Variants in MDGA2 observed in about 807,000 individuals in gnomAD.
The protein encoded by MDGA2 is MAM domain containing glycosylphosphatidylinositol anchor 2.
In MDGA2, 40 loss-of-function variants were observed where a neutral mutation model predicts 117.8. The ratio of observed to expected loss-of-function variants is 0.34; its 90% CI spans 0.26 to 0.44. The LOEUF is 0.44. Ranked by LOEUF, MDGA2 falls within the 20% of genes least tolerant of loss-of-function variation. The pLI, the probability that MDGA2 is intolerant of heterozygous loss-of-function variation, is 1.00. For missense variants in MDGA2, 1,123 were observed against 1,250.6 expected (o/e 0.90, Z 1.54); for synonymous variants, 452 against 439.0 (o/e 1.03, Z -0.37).
chr14:47,658,449 T>C (rs948868629), intron 1 of MDGA2, among the ~76,000 whole-genome samples: 7 of 151,970 alleles, frequency 4.6e-5, no homozygotes, highest in Admixed American at 3.9e-4. Flanking sequence ...CTAGAAGAAG[T>C]AGTAGAAAAG....
At chr14:47,123,674 G>A (rs989327680) in intron 5 of MDGA2, among the ~76,000 whole-genome samples, 1 of 151,948 alleles carries the variant, frequency 6.6e-6, no homozygotes, top group Non-Finnish European at 1.5e-5. Flanking sequence ...TAGAATATGA[G>A]TCATTTCTAT....
intron 1 of MDGA2, among the ~76,000 whole-genome samples, chr14:47,532,840 C>T (rs1378058810): frequency 6.6e-6 from 1 of 152,142 alleles, no homozygotes; most frequent in Non-Finnish European, 1.5e-5. Flanking sequence ...AGGTTTTATC[C>T]AGTGCCTCAA....
At chr14:46,981,504 A>T (rs1199798750) in intron 8 of MDGA2, among the ~76,000 whole-genome samples, 2 of 152,210 alleles carry the variant, frequency 1.3e-5, no homozygotes, top group Non-Finnish European at 2.9e-5. Context: ...GAAATAATAC[A>T]AAGTCCCTCT....
chr14:47,003,534 TG>T (rs1887606583), intron 8 of MDGA2, among the ~76,000 whole-genome samples: 1 of 152,088 alleles, frequency 6.6e-6, no homozygotes, highest in Non-Finnish European at 1.5e-5. Flanking sequence ...TATCTCACTG[TG>T]GTTTGAATTG....
chr14:47,305,401 C>T (rs1441292145), intron 1 of MDGA2: 2 of 152,078 alleles, frequency 1.3e-5, no homozygotes, highest in Non-Finnish European at 2.9e-5. Context: ...TGAAGTAAAC[C>T]AAATTTCATT....
At chr14:47,353,183 T>C (rs1566751272) in intron 1 of MDGA2, among the ~76,000 whole-genome samples, 1 of 152,336 alleles carries the variant, frequency 6.6e-6, no homozygotes, top group East Asian at 1.9e-4. Context: ...TGCTTGCTCA[T>C]ACATGGCATA....
At chr14:47,265,611 G>C (rs1336971751) in intron 2 of MDGA2, among the ~76,000 whole-genome samples, 1 of 150,604 alleles carries the variant, frequency 6.6e-6, no homozygotes, top group African/African-American at 2.4e-5. Flanking sequence ...GTGGAAGCCA[G>C]TGTTTAACTT....
chr14:47,549,267 A>T (rs1445259402), intron 1 of MDGA2, among the ~76,000 whole-genome samples: 1 of 151,894 alleles, frequency 6.6e-6, no homozygotes, highest in Non-Finnish European at 1.5e-5. Context: ...TCAAATAAAT[A>T]CTCTGGATTG....
intron 1 of MDGA2, among the ~76,000 whole-genome samples, chr14:47,606,953 AAC>A (rs1896754109): frequency 6.6e-6 from 1 of 152,158 alleles, no homozygotes; most frequent in South Asian, 2.1e-4. Context: ...GAATAAAGAA[AAC>A]ACACGCACTG....
chr14:47,285,388 AG>A (rs1455859999), intron 2 of MDGA2, among the ~76,000 whole-genome samples: 3 of 152,144 alleles, frequency 2.0e-5, no homozygotes, highest in Non-Finnish European at 4.4e-5. Flanking sequence ...ATTAAGACAC[AG>A]GATTATAACT....
intron 8 of MDGA2, among the ~76,000 whole-genome samples, chr14:46,973,139 A>C (rs1013012369): frequency 2.6e-5 from 4 of 152,274 alleles, no homozygotes; most frequent in African/African-American, 9.6e-5. Flanking sequence ...GATGTAGAGC[A>C]ATGTGAATTT....
chr14:47,584,043 G>A (rs1896276746), intron 1 of MDGA2, among the ~76,000 whole-genome samples: 1 of 151,740 alleles, frequency 6.6e-6, no homozygotes, highest in African/African-American at 2.4e-5. Context: ...CACCTAGCCA[G>A]TTATCCCTCT....
chr14:47,238,333 T>C lies in MDGA2; in HGVS notation c.421-20138A>G, dbSNP rs115112450. 2.5e-3 allele frequency among the ~76,000 whole-genome samples: 373 copies of C among 152,128 alleles called. 2 individuals carry two copies. The highest frequency in any genetic ancestry group is 8.4e-3 in the African/African-American group (347 of 41,516). On this transcript the variant is annotated intron_variant, in intron 2 of 16. Transcript: ENST00000399232. ...CATGTGGGCTGAGATTGTGTAGATC[T>C]TGTTGATTGCTTTATCCCAGCACAG...
chr14:46,976,449 A>G (rs1310709671), intron 8 of MDGA2, among the ~76,000 whole-genome samples: 2 of 152,020 alleles, frequency 1.3e-5, no homozygotes, highest in African/African-American at 4.8e-5. Flanking sequence ...ATGTGACTTC[A>G]TACTTGTGAA....
intron 1 of MDGA2, among the ~76,000 whole-genome samples, chr14:47,461,394 A>C (rs1353126275): frequency 2.6e-5 from 4 of 152,098 alleles, no homozygotes; most frequent in African/African-American, 9.7e-5. Context: ...CAAAATAGAA[A>C]TAAGAAAGAG....
At chr14:47,537,285 A>G (rs1361393716) in intron 1 of MDGA2, among the ~76,000 whole-genome samples, 2 of 127,272 alleles carry the variant, frequency 1.6e-5, no homozygotes, top group African/African-American at 6.1e-5. Flanking sequence ...GAAGAGGAAC[A>G]TCACACACCA....
chr14:47,080,591 T>C (rs1335473684), intron 6 of MDGA2, among the ~76,000 whole-genome samples: 2 of 152,214 alleles, frequency 1.3e-5, no homozygotes, highest in Non-Finnish European at 2.9e-5. Flanking sequence ...CTCAAAACCA[T>C]ACCTGAGCCT....
chr14:47,256,506 G>A (rs1887624786), intron 2 of MDGA2, among the ~76,000 whole-genome samples: 1 of 151,948 alleles, frequency 6.6e-6, no homozygotes, highest in South Asian at 2.1e-4. Context: ...CATTTATCCA[G>A]TTTATCTATT....
At chr14:47,090,302 C>T (rs879520557) in intron 6 of MDGA2, among the ~76,000 whole-genome samples, 5 of 151,956 alleles carry the variant, frequency 3.3e-5, no homozygotes, top group Non-Finnish European at 7.4e-5. Context: ...TACATATTGA[C>T]TTCTTCCACA....
Sources: gnomAD v4.1 joint callset for allele counts (sites outside exome capture counted in the v4.1 genomes callset) on GRCh38, gnomAD v4.1.1 for gene constraint, MANE v1.5 for transcripts, NCBI Gene and HGNC (gene_info 2026-07-23, HGNC 2026-07-21) for gene names.